The following RABGEF1 variants were observed in gnomAD, a reference collection of about 807,000 sequenced individuals.
RABGEF1 encodes RAB guanine nucleotide exchange factor 1.
Under a neutral mutation model 57.3 loss-of-function variants are expected in RABGEF1, and 26 were observed. That is an observed-to-expected ratio of 0.45 (90% confidence interval 0.33 to 0.63). RABGEF1 has a LOEUF of 0.63. Among genes scored for constraint, RABGEF1 ranks in the 20% least tolerant of loss-of-function variants. RABGEF1 has a pLI of 0.02. For missense variants in RABGEF1, 464 were observed against 607.6 expected (o/e 0.76, Z 2.48); for synonymous variants, 185 against 210.7 (o/e 0.88, Z 1.06).
chr7:66,677,800 C>T (rs994411899), upstream of RABGEF1, among the ~76,000 whole-genome samples: 3 of 149,932 alleles, frequency 2.0e-5, no homozygotes, highest in South Asian at 2.1e-4. Context: ...AAAGGAATGC[C>T]GGGTTTGGTG....
At chr7:66,734,598 T>TTTTTG (rs1797721176) in intron 2 of RABGEF1, among the ~76,000 whole-genome samples, 1 of 105,290 alleles carries the variant, frequency 9.5e-6, no homozygotes, top group Non-Finnish European at 2.1e-5. Flanking sequence ...GCCTGGCTAA[T>TTTTTG]TTTTTTTTTT....
intron 5 of RABGEF1, among the ~76,000 whole-genome samples, chr7:66,796,582 T>G (rs1267944970): frequency 6.6e-6 from 1 of 151,962 alleles, no homozygotes; most frequent in Admixed American, 6.6e-5. Flanking sequence ...AAGAAGATTT[T>G]TTTGTTTGTT....
the RABGEF1 span, among the ~76,000 whole-genome samples, chr7:66,658,848 G>C: frequency 6.6e-6 from 1 of 152,038 alleles, no homozygotes; most frequent in Non-Finnish European, 1.5e-5. Context: ...CCATTCTCCT[G>C]CCTCAGCCTC....
the RABGEF1 span, among the ~76,000 whole-genome samples, chr7:66,664,769 C>A: frequency 6.6e-6 from 1 of 152,222 alleles, no homozygotes; most frequent in African/African-American, 2.4e-5. Flanking sequence ...GCGGCTGCCG[C>A]TTAAGTAGCT....
chr7:66,668,121 A>G, the RABGEF1 span, among the ~76,000 whole-genome samples: 3 of 151,172 alleles, frequency 2.0e-5, no homozygotes, highest in African/African-American at 7.3e-5. Flanking sequence ...TTTTAGAGAC[A>G]GGGTTTTGCT....
rs1408789284 is a variant in RABGEF1, at chr7:66,809,324, T to C, written c.*40T>C. The stretch of plus-strand genomic sequence containing the variant: ...AGAGTATTTATTTGAGCCTAAATTG[T>C]AGGTAGCCCTTACTACACTCAACTG... On this transcript the variant is annotated 3_prime_UTR_variant, in exon 9 of 9. Coordinates refer to ENST00000284957, the MANE Select transcript of RABGEF1 (RefSeq NM_014504.3). The C allele has an allele frequency of 6.4e-7, 1 of 1,555,416 alleles. No individual in the cohort carries two copies. Among genetic ancestry groups the C allele is most frequent in the Admixed American group, 1.9e-5 (1 of 53,138 alleles).
chr7:66,765,344 T>C (rs752894047), intron 1 of RABGEF1, among the ~76,000 whole-genome samples: 6 of 152,234 alleles, frequency 3.9e-5, no homozygotes, highest in Non-Finnish European at 7.3e-5. Context: ...TTATTGTTTC[T>C]GTCTAATACA....
chr7:66,684,654 A>T (rs1790322325), intron 1 of RABGEF1, among the ~76,000 whole-genome samples: 1 of 152,004 alleles, frequency 6.6e-6, no homozygotes, highest in Non-Finnish European at 1.5e-5. Context: ...TTTGTTTTTG[A>T]TACTGAGTCT....
intron 5 of RABGEF1, 140 bp downstream of exon 5, chr7:66,795,732 G>GGA: frequency 1.3e-6 from 1 of 773,888 alleles, no homozygotes; most frequent in Non-Finnish European, 2.2e-6. Flanking sequence ...CTGGGAACTG[G>GGA]TCTTATACTT....
chr7:66,793,773 A>G (rs943874929), intron 4 of RABGEF1, among the ~76,000 whole-genome samples: 7 of 151,980 alleles, frequency 4.6e-5, no homozygotes, highest in Admixed American at 3.9e-4. Context: ...TACTGAGGGA[A>G]TGAGGTGACT....
chr7:66,783,686 G>A lies in RABGEF1; in HGVS notation c.358G>A (p.Ala120Thr). The change falls in exon 4 of 9, where the codon GCA becomes ACA. Residue 120 changes from alanine (A) to threonine (T), a missense_variant. This residue lies in a region of RABGEF1 where 284 missense variants were observed against 389.9 expected (regional missense o/e 0.73). Coordinates refer to ENST00000284957, the MANE Select transcript of RABGEF1 (RefSeq NM_014504.3). ...AATTTTCCCAGCAGAAATTCAGGAA[G>A]CAAAAGCTCCCAGTCCTTCCATAAA... ...RVGSKKEIQE[A>T]KAPSPSINRQ... is the part of the protein sequence containing the mutation. The A allele has an allele frequency of 6.3e-7, 1 of 1,596,284 alleles. No homozygotes were observed. The highest frequency in any genetic ancestry group is 8.5e-7 in the Non-Finnish European group (1 of 1,171,902).
chr7:66,721,138 C>G lies in RABGEF1; in HGVS notation c.-815+8914C>G, dbSNP rs577244091. 4.6e-5 allele frequency among the ~76,000 whole-genome samples: 7 copies of G among 152,238 alleles called. No homozygotes were observed. The East Asian group carries it at 1.2e-3, about 25-fold the overall frequency. On this transcript the variant is annotated intron_variant and NMD_transcript_variant, in intron 2 of 9. Coordinates refer to the RABGEF1 transcript ENST00000607882. ...TTCACCAGGTTGGCCAGGCTGCTCT[C>G]GAACTCCCGAGCTCAAGTGATCTGC...
At chr7:66,700,883 A>T (rs767016527) in intron 1 of RABGEF1, among the ~76,000 whole-genome samples, 12 of 152,002 alleles carry the variant, frequency 7.9e-5, no homozygotes, top group Non-Finnish European at 1.3e-4. Context: ...CCCTGTCCAG[A>T]CTCTCATACT....
intron 7 of RABGEF1, among the ~76,000 whole-genome samples, chr7:66,803,631 C>T (rs1787785759): frequency 2.0e-5 from 3 of 152,260 alleles, no homozygotes; most frequent in Admixed American, 2.0e-4. Flanking sequence ...TGAGTCACAC[C>T]TGTAATCCCA....
intron 1 of RABGEF1, among the ~76,000 whole-genome samples, chr7:66,696,213 C>T (rs1217489538): frequency 6.6e-6 from 1 of 152,014 alleles, no homozygotes; most frequent in Non-Finnish European, 1.5e-5. Flanking sequence ...TTACAAGTGC[C>T]TAACACCATG....
At chr7:66,724,611 G>T (rs1294994169) in intron 2 of RABGEF1, among the ~76,000 whole-genome samples, 1 of 152,134 alleles carries the variant, frequency 6.6e-6, no homozygotes, top group Non-Finnish European at 1.5e-5. Context: ...ACCCACCTCG[G>T]CCTCCCAAAG....
chr7:66,787,115 C>G (rs1337172719), intron 4 of RABGEF1, among the ~76,000 whole-genome samples: 1 of 151,916 alleles, frequency 6.6e-6, no homozygotes, highest in Non-Finnish European at 1.5e-5. Flanking sequence ...CAGCCTTTAC[C>G]TTCCAGGTTC....
the RABGEF1 span, among the ~76,000 whole-genome samples, chr7:66,665,017 C>G: frequency 6.6e-6 from 1 of 152,242 alleles, no homozygotes; most frequent in Non-Finnish European, 1.5e-5. Context: ...CGAGTCTCGC[C>G]ATGTGCATCC....
intron 1 of RABGEF1, among the ~76,000 whole-genome samples, chr7:66,695,644 G>A (rs947228055): frequency 9.2e-5 from 14 of 152,032 alleles, no homozygotes; most frequent in African/African-American, 2.9e-4. Context: ...GGCTGGGCAC[G>A]GTGGCTCACG....
Sources: allele counts gnomAD v4.1 joint callset (sites outside exome capture counted in the v4.1 genomes callset), GRCh38; gene constraint gnomAD v4.1.1; regional missense constraint gnomAD v4.1.1; transcripts MANE v1.5; gene names NCBI Gene and HGNC (gene_info 2026-07-23, HGNC 2026-07-21).